Variants in R3HCC1L observed in about 807,000 individuals in gnomAD.
R3HCC1L encodes coiled-coil domain-containing protein R3HCC1L.
In R3HCC1L, 51 loss-of-function variants were observed where a neutral mutation model predicts 59.9. The observed-to-expected ratio is 0.85, with a 90% CI of 0.68 to 1.07. R3HCC1L has a LOEUF of 1.07. R3HCC1L is among the 50% of genes least tolerant of loss of function. The pLI, the probability that R3HCC1L is intolerant of heterozygous loss-of-function variation, is 0.00. For missense variants in R3HCC1L, 965 were observed against 933.0 expected, an observed-to-expected ratio of 1.03 and a Z score of -0.45; for synonymous variants, 322 against 315.2, an observed-to-expected ratio of 1.02 and a Z score of -0.23.
intron 2 of R3HCC1L, among the ~76,000 whole-genome samples, chr10:98,158,919 G>T (rs1441612414): frequency 6.6e-6 from 1 of 151,362 alleles, no homozygotes; most frequent in African/African-American, 2.4e-5. Flanking sequence ...CAATCCTCCT[G>T]CCTGAGCCTC....
intron 4 of R3HCC1L, among the ~76,000 whole-genome samples, chr10:98,204,796 AT>A (rs1446530031): frequency 2.0e-5 from 3 of 152,168 alleles, no homozygotes; most frequent in Non-Finnish European, 4.4e-5. Flanking sequence ...CCTGTGCCTA[AT>A]TTATAAATTA....
intron 4 of R3HCC1L, among the ~76,000 whole-genome samples, chr10:98,183,356 G>T (rs1849853090): frequency 6.8e-6 from 1 of 146,046 alleles, no homozygotes. Flanking sequence ...TTAAACTCTG[G>T]CAGCCTTCAA....
At chr10:98,156,344 CCT>C in intron 2 of R3HCC1L, among the ~76,000 whole-genome samples, 197 bp downstream of exon 2, 1 of 152,164 alleles carries the variant, frequency 6.6e-6, no homozygotes, top group South Asian at 2.1e-4. Flanking sequence ...GCATGCCTGC[CCT>C]CTCACATAGC....
intron 1 of R3HCC1L, among the ~76,000 whole-genome samples, chr10:98,152,951 G>A (rs1322025492): frequency 2.7e-5 from 4 of 149,768 alleles, no homozygotes; most frequent in South Asian, 4.2e-4. Flanking sequence ...GAGGTGGGGG[G>A]TCAGCCCCCA....
chr10:98,244,164 A>G lies in R3HCC1L; in HGVS notation c.*6A>G. 1 of 1,612,792 alleles carries G rather than the reference A, an allele frequency of 6.2e-7. No individual in the cohort carries two copies. Among genetic ancestry groups the G allele is most frequent in the Non-Finnish European group, 8.5e-7 (1 of 1,178,848 alleles). ...GAGACCAGTCTACAGTTTGAACATC[A>G]CTCAATGAAAGGGATAATTCCATGA... On this transcript the variant is annotated 3_prime_UTR_variant, in exon 10 of 10. Coordinates refer to ENST00000298999, the MANE Select transcript of R3HCC1L (RefSeq NM_001351015.2).
intron 4 of R3HCC1L, among the ~76,000 whole-genome samples, chr10:98,167,813 A>G (rs1848105324): frequency 6.6e-6 from 1 of 152,222 alleles, no homozygotes; most frequent in Admixed American, 6.5e-5. Context: ...ACCTCTTAGT[A>G]TTGTAGTTGG....
At position 98,235,978 on chromosome 10, in the gene R3HCC1L, T is replaced by C. The variant is rs763928838; in HGVS notation, c.2129-46T>C. ...GTTAAATCACTTGAAGCTAGAGTGC[T>C]CTCTCTTCTTGACTCCTTCCTACTC... On this transcript the variant is annotated intron_variant, in intron 8 of 9. Coordinates refer to ENST00000298999, the MANE Select transcript of R3HCC1L (RefSeq NM_001351015.2). 1.5e-5 allele frequency: 23 copies of C among 1,569,076 alleles called. No homozygotes were observed. The Admixed American group carries it at 3.6e-4, about 25-fold the overall frequency.
In R3HCC1L at chr10:98,224,368, A is replaced by G. The variant is rs1037907419; in HGVS notation, c.1786-7144A>G. On this transcript the variant is annotated intron_variant, in intron 5 of 9. Transcript: ENST00000298999. The stretch of plus-strand genomic sequence containing the variant: ...GTATTAAATAAACAGAAAACAAAAA[A>G]TAAAAACTCAATGATGCATGCCTTG... 3.1e-4 allele frequency among the ~76,000 whole-genome samples: 47 copies of G among 152,224 alleles called. 1 individual carries two copies. Among genetic ancestry groups the G allele is most frequent in the Non-Finnish European group, 2.9e-5 (2 of 68,046 alleles).
At chr10:98,168,626 C>G (rs1016799478) in intron 4 of R3HCC1L, among the ~76,000 whole-genome samples, 4 of 152,166 alleles carry the variant, frequency 2.6e-5, no homozygotes, top group African/African-American at 9.6e-5. Flanking sequence ...CAGCTGCAGG[C>G]AGAGAGGCAG....
At chr10:98,214,607 C>T (rs1853952937) in intron 5 of R3HCC1L, among the ~76,000 whole-genome samples, 1 of 152,092 alleles carries the variant, frequency 6.6e-6, no homozygotes, top group African/African-American at 2.4e-5. Context: ...ACTGTAACCC[C>T]CAGTGCCTCT....
intron 1 of R3HCC1L, among the ~76,000 whole-genome samples, chr10:98,143,318 G>A (rs923934921): frequency 6.6e-6 from 1 of 152,192 alleles, no homozygotes; most frequent in African/African-American, 2.4e-5. Context: ...ACACGTAACT[G>A]TTTCAAACTT....
intron 4 of R3HCC1L, among the ~76,000 whole-genome samples, chr10:98,200,818 T>C (rs1851953188): frequency 6.6e-6 from 1 of 152,142 alleles, no homozygotes; most frequent in Non-Finnish European, 1.5e-5. Flanking sequence ...GAATAGACCT[T>C]TAACATTAAA....
chr10:98,230,574 C>G (rs1856256129), intron 5 of R3HCC1L, among the ~76,000 whole-genome samples: 1 of 152,116 alleles, frequency 6.6e-6, no homozygotes, highest in Non-Finnish European at 1.5e-5. Context: ...GTCTCTGTCT[C>G]CTTCAGTTCT....
chr10:98,155,501 A>C (rs748316686), intron 1 of R3HCC1L, among the ~76,000 whole-genome samples: 5 of 152,128 alleles, frequency 3.3e-5, no homozygotes, highest in Non-Finnish European at 7.4e-5. Context: ...TTCTTTAGAC[A>C]TGTTTTTGAA....
chr10:98,163,165 C>G (rs1847609312), intron 3 of R3HCC1L, 128 bp from the exon 4 acceptor site: 2 of 344,616 alleles, frequency 5.8e-6, no homozygotes, highest in Non-Finnish European at 1.0e-5. Flanking sequence ...ATTGCACATT[C>G]TATGGCAAAT....
At chr10:98,161,308 G>T (rs148070880) in intron 2 of R3HCC1L, among the ~76,000 whole-genome samples, 2 of 152,014 alleles carry the variant, frequency 1.3e-5, no homozygotes, top group South Asian at 4.1e-4. Context: ...TATGTTTAAG[G>T]GTCATTTTTA....
At chr10:98,225,953 G>A (rs1466564758) in intron 5 of R3HCC1L, among the ~76,000 whole-genome samples, 2 of 151,996 alleles carry the variant, frequency 1.3e-5, no homozygotes, top group East Asian at 3.9e-4. Context: ...CTATCCTCCG[G>A]CCTCAGCACT....
intron 2 of R3HCC1L, among the ~76,000 whole-genome samples, chr10:98,162,388 TAATAA>T (rs1475269607): frequency 6.6e-6 from 1 of 152,196 alleles, no homozygotes; most frequent in South Asian, 2.1e-4. Context: ...CTTTCCATAT[TAATAA>T]AATGTATACC....
intron 1 of R3HCC1L, among the ~76,000 whole-genome samples, chr10:98,139,710 T>G (rs565325260): frequency 7.7e-4 from 118 of 152,328 alleles, no homozygotes; most frequent in Middle Eastern, 3.4e-3. Flanking sequence ...GAGAATTTTC[T>G]TTTCTCTTAA....
Sources: gnomAD v4.1 joint callset for allele counts (sites outside exome capture counted in the v4.1 genomes callset) on GRCh38, gnomAD v4.1.1 for gene constraint, MANE v1.5 for transcripts, NCBI Gene and HGNC (gene_info 2026-07-23, HGNC 2026-07-21) for gene names.